CYP51A1: variants seen among roughly 807,000 people sequenced by gnomAD.
The protein encoded by CYP51A1 is lanosterol 14-alpha demethylase.
CYP51A1 carries 45 observed loss-of-function variants against 53.5 expected under a neutral mutation model. The ratio of observed to expected loss-of-function variants is 0.84; its 90% CI spans 0.66 to 1.08. The LOEUF is 1.08. Ranked by LOEUF, CYP51A1 falls within the 50% of genes least tolerant of loss-of-function variation. The pLI is 0.00. For missense variants in CYP51A1, 462 were observed against 621.7 expected, an observed-to-expected ratio of 0.74 and a Z score of 2.73; for synonymous variants, 181 against 217.7, an observed-to-expected ratio of 0.83 and a Z score of 1.48.
intron 2 of CYP51A1, among the ~76,000 whole-genome samples, chr7:92,129,296 A>C: frequency 6.6e-6 from 1 of 152,266 alleles, no homozygotes; most frequent in South Asian, 2.1e-4. Flanking sequence ...GTTTATATTG[A>C]CAATGTTTTC....
intron 1 of CYP51A1, 27 bp downstream of exon 1, chr7:92,134,146 C>A (rs764445481): frequency 6.2e-7 from 1 of 1,606,770 alleles, no homozygotes; most frequent in Non-Finnish European, 8.5e-7. Context: ...GCGCGCGCCC[C>A]ACTCAGACCC....
intron 4 of CYP51A1, among the ~76,000 whole-genome samples, chr7:92,127,083 C>G (rs1315728032): frequency 6.6e-6 from 1 of 152,174 alleles, no homozygotes; most frequent in Non-Finnish European, 1.5e-5. Context: ...AATTATATGT[C>G]TCACATGCAT....
At chr7:92,129,433 T>C (rs1229959358) in intron 2 of CYP51A1, among the ~76,000 whole-genome samples, 1 of 152,230 alleles carries the variant, frequency 6.6e-6, no homozygotes, top group African/African-American at 2.4e-5. Context: ...TCTGAAAATA[T>C]AGACTTCTTC....
intron 3 of CYP51A1, among the ~76,000 whole-genome samples, chr7:92,128,642 C>A (rs1343551973): frequency 6.6e-6 from 1 of 151,940 alleles, no homozygotes; most frequent in Non-Finnish European, 1.5e-5. Flanking sequence ...GCACCACCAG[C>A]CCCACCCAGC....
rs1819393411 is a variant in CYP51A1 at position 92,112,356 on chromosome 7, G to GTTGA, written c.*1305_*1308dup. 2 of 152,326 alleles carry GTTGA rather than the reference G, an allele frequency of 1.3e-5. No individual in the cohort carries two copies. The highest frequency in any genetic ancestry group is 4.8e-5 in the African/African-American group (2 of 41,566). The allele number at this position is 152,326 out of a possible 1,614,324, so 9.4% of individuals were successfully genotyped here. Reference sequence around the variant, plus strand: ...GGCCCCGAGTTACAATTTGAGATAAGTTGATTCCTAAACAGAATGTGCTTT... The same window carrying GTTGA: ...GGCCCCGAGTTACAATTTGAGATAAGTTGATTGATTCCTAAACAGAATGTGCTTT... On this transcript the variant is annotated 3_prime_UTR_variant, in exon 10 of 10. Coordinates refer to ENST00000003100, the MANE Select transcript of CYP51A1 (RefSeq NM_000786.4).
chr7:92,119,978 C>T (rs956937339), intron 7 of CYP51A1, among the ~76,000 whole-genome samples: 1 of 151,742 alleles, frequency 6.6e-6, no homozygotes, highest in African/African-American at 2.4e-5. Context: ...AAAATTCACC[C>T]GAGGGGATCA....
At position 92,112,913 on chromosome 7, in the gene CYP51A1, T is replaced by G. The variant is rs1437130142; in HGVS notation, c.*752A>C. On this transcript the variant is annotated 3_prime_UTR_variant, in exon 10 of 10. Transcript: ENST00000003100. The stretch of plus-strand genomic sequence containing the variant: ...AAGGACTTGACTTTGGACTTCCACA[T>G]AAATGTGACCTTGTAGAACTAGATA... The G allele has an allele frequency of 6.6e-6, 1 of 150,920 alleles. No homozygotes were observed. Among genetic ancestry groups the G allele is most frequent in the East Asian group, 2.0e-4 (1 of 5,126 alleles). 9.3% of individuals were successfully genotyped at this position (150,920 alleles called of 1,614,324 possible).
chr7:92,134,630 T>C, upstream of CYP51A1: 1 of 454,380 alleles, frequency 2.2e-6, no homozygotes, highest in Non-Finnish European at 3.9e-6. Context: ...GGGCTGCGCC[T>C]GTGGCACAGT....
In CYP51A1 at chr7:92,123,208, A is replaced by G. The variant is rs1330179621; in HGVS notation, c.998T>C (p.Leu333Ser). The change falls in exon 7 of 10, where the codon TTG becomes TCG. Residue 333 changes from leucine (L) to serine (S), a missense_variant. By Grantham distance (145) the Leu-to-Ser change is moderately radical. Coordinates refer to ENST00000003100, the MANE Select transcript of CYP51A1 (RefSeq NM_000786.4). ...TTTTTGAAGTGTTTTGTCTCTGGCC[A>G]AAAAGAAGCCCATCCAAGCACTAGT... ...STTSAWMGFF[L>S]ARDKTLQKKC... 1.9e-6 allele frequency: 3 copies of G among 1,613,960 alleles called. No homozygotes were observed. The South Asian group carries it at 3.3e-5, about 18-fold the overall frequency.
chr7:92,127,736 G>T, intron 3 of CYP51A1, 105 bp from the exon 4 acceptor site: 3 of 1,147,018 alleles, frequency 2.6e-6, no homozygotes, highest in Non-Finnish European at 3.8e-6. Flanking sequence ...ACAAGTAATG[G>T]TTTTAACCCT....
intron 1 of CYP51A1, among the ~76,000 whole-genome samples, chr7:92,133,947 G>A (rs950052468): frequency 6.6e-6 from 1 of 152,100 alleles, no homozygotes; most frequent in Non-Finnish European, 1.5e-5. Context: ...CCAACACAAG[G>A]CAATGGCGGG....
At chr7:92,120,952 A>AT (rs1452409109) in intron 7 of CYP51A1, among the ~76,000 whole-genome samples, 1 of 152,214 alleles carries the variant, frequency 6.6e-6, no homozygotes, top group African/African-American at 2.4e-5. Context: ...AGAACACATC[A>AT]TAAGACACTC....
At chr7:92,114,461 T>C (rs955638690) in intron 9 of CYP51A1, among the ~76,000 whole-genome samples, 5 of 152,092 alleles carry the variant, frequency 3.3e-5, no homozygotes, top group Non-Finnish European at 7.4e-5. Context: ...GATCAACAAA[T>C]AGATCAATGG....
At position 92,128,960 on chromosome 7, in the gene CYP51A1, C is replaced by G. The variant is rs1374029916; in HGVS notation, c.388G>C (p.Asp130His). 10 of 1,613,414 alleles carry G rather than the reference C, an allele frequency of 6.2e-6. No homozygotes were observed. Among genetic ancestry groups the G allele is most frequent in the Admixed American group, 1.7e-5 (1 of 59,996 alleles). ...CTGTAGACATCTTCTGCATTCAGGTCTTCATTTTTACTATTAAAAAGCAGT... is the reference window on the plus strand; with the variant it reads ...CTGTAGACATCTTCTGCATTCAGGTGTTCATTTTTACTATTAAAAAGCAGT... ...AALLFNSKNE[D>H]LNAEDVYSRL... The change falls in exon 3 of 10, where the codon GAC becomes CAC. Residue 130 changes from aspartate (D) to histidine (H), a missense_variant. Coordinates refer to ENST00000003100, the MANE Select transcript of CYP51A1 (RefSeq NM_000786.4).
intron 6 of CYP51A1, among the ~76,000 whole-genome samples, 182 bp from the exon 7 acceptor site, chr7:92,123,497 G>C (rs1417384236): frequency 2.0e-5 from 3 of 152,096 alleles, no homozygotes; most frequent in Admixed American, 6.5e-5. Flanking sequence ...AAACGATTTT[G>C]ATTACAAAAG....
chr7:92,123,039 A>C, intron 7 of CYP51A1, 81 bp downstream of exon 7: 1 of 1,094,466 alleles, frequency 9.1e-7, no homozygotes, highest in Non-Finnish European at 1.3e-6. Flanking sequence ...TATATAGAAA[A>C]TCTCAAATTG....
In CYP51A1 at chr7:92,131,568, G is replaced by A. The variant is rs57784628; in HGVS notation, c.291+206C>T. On this transcript the variant is annotated intron_variant, in intron 2 of 9. Transcript: ENST00000003100. The stretch of plus-strand genomic sequence containing the variant: ...GTTTCCTCAATGGTGTCTCAAAGAC[G>A]ACCCCAGGACATGGGAAAAGCTAAA... Among the ~76,000 whole-genome samples the A allele has an allele frequency of 0.034, 5,132 of 152,224 alleles. 254 individuals carry two copies. The highest frequency in any genetic ancestry group is 0.11 in the African/African-American group (4,665 of 41,518).
chr7:92,133,052 T>C (rs993018464), intron 1 of CYP51A1, among the ~76,000 whole-genome samples: 1 of 152,024 alleles, frequency 6.6e-6, no homozygotes, highest in African/African-American at 2.4e-5. Flanking sequence ...AGGAAAAAAA[T>C]AAATAAATAA....
chr7:92,114,888 C>G (rs1483138506), intron 9 of CYP51A1, among the ~76,000 whole-genome samples: 1 of 152,140 alleles, frequency 6.6e-6, no homozygotes, highest in African/African-American at 2.4e-5. Context: ...AAGAAAAAAC[C>G]TAAACTGATA....
Sources: allele counts gnomAD v4.1 joint callset (sites outside exome capture counted in the v4.1 genomes callset), GRCh38; gene constraint gnomAD v4.1.1; transcripts MANE v1.5; gene names NCBI Gene and HGNC (gene_info 2026-07-23, HGNC 2026-07-21).